CPE: variants seen among roughly 807,000 people sequenced by gnomAD.
The protein encoded by CPE is carbocypeptidase E.
CPE carries 17 observed loss-of-function variants against 53.5 expected under a neutral mutation model. The ratio of observed to expected loss-of-function variants is 0.32; its 90% CI spans 0.22 to 0.48. CPE has a LOEUF of 0.48. Among genes scored for constraint, CPE ranks in the 20% least tolerant of loss-of-function variants. The pLI is 0.99. For missense variants in CPE, 524 were observed against 614.7 expected (o/e 0.85, Z 1.56); for synonymous variants, 226 against 228.8 (o/e 0.99, Z 0.11).
chr4:165,498,395 A>T lies in CPE; in HGVS notation c.*785A>T, dbSNP rs1732744227. The T allele has an allele frequency of 1.3e-5, 2 of 152,272 alleles. No individual in the cohort carries two copies. The highest frequency in any genetic ancestry group is 4.8e-5 in the African/African-American group (2 of 41,550). The allele number at this position is 152,272 out of a possible 1,614,324, so 9.4% of individuals were successfully genotyped here. A position where few individuals can be genotyped will look rare whatever the true frequency, so the allele number is the denominator to read the frequency against. On this transcript the variant is annotated 3_prime_UTR_variant, in exon 9 of 9. Transcript: ENST00000402744. Reference sequence around the variant, plus strand: ...TATGATGAAAACATGTATCCTCTTAATGGCGGCTTCTCATATATTCATCCT... The same window carrying T: ...TATGATGAAAACATGTATCCTCTTATTGGCGGCTTCTCATATATTCATCCT...
intron 1 of CPE, among the ~76,000 whole-genome samples, chr4:165,401,655 T>C (rs1301207103): frequency 6.6e-6 from 1 of 152,226 alleles, no homozygotes; most frequent in East Asian, 1.9e-4. Flanking sequence ...CTCCTCTCAT[T>C]ATTTCTTGTC....
rs373551686 is a variant in CPE at position 165,379,725 on chromosome 4, A to G, written c.307+197A>G. On this transcript the variant is annotated intron_variant, in intron 1 of 8. Transcript: ENST00000402744. This position sits in a 1 kb window ranked among gnomAD's most constrained non-coding sequence, Gnocchi z 6.0. ...CCCGACTTAGAGCGCCAGTGGCCCA[A>G]TTTCTGCTTTCCCGTCCCATCCCCC... Among the ~76,000 whole-genome samples the G allele has an allele frequency of 1.4e-4, 22 of 152,168 alleles. No individual in the cohort carries two copies. The highest frequency in any genetic ancestry group is 3.4e-3 in the Middle Eastern group (1 of 294).
At chr4:165,424,996 G>T (rs1324858251) in intron 1 of CPE, among the ~76,000 whole-genome samples, 1 of 151,158 alleles carries the variant, frequency 6.6e-6, no homozygotes, top group Non-Finnish European at 1.5e-5. Flanking sequence ...CGCCTCAGGA[G>T]AGAGTAATCC....
chr4:165,398,682 C>T (rs1303041000), intron 1 of CPE, among the ~76,000 whole-genome samples: 1 of 152,140 alleles, frequency 6.6e-6, no homozygotes, highest in Non-Finnish European at 1.5e-5. Context: ...ACTTGAAAAT[C>T]CAATATTTTT....
chr4:165,408,340 A>G (rs1439619963), intron 1 of CPE, among the ~76,000 whole-genome samples: 1 of 152,146 alleles, frequency 6.6e-6, no homozygotes. Flanking sequence ...TTTTTATCGG[A>G]TAAGTAGAGG....
chr4:165,494,959 C>A (rs1732682220), intron 7 of CPE, among the ~76,000 whole-genome samples: 1 of 152,204 alleles, frequency 6.6e-6, no homozygotes, highest in Non-Finnish European at 1.5e-5. Flanking sequence ...TAGCATTGCC[C>A]TGGGGCTGGT....
At chr4:165,411,663 C>T (rs1320290845) in intron 1 of CPE, among the ~76,000 whole-genome samples, 1 of 152,142 alleles carries the variant, frequency 6.6e-6, no homozygotes, top group Non-Finnish European at 1.5e-5. Context: ...GGGGTTTTCT[C>T]ATGGAGACCT....
At chr4:165,391,303 T>A (rs777548005) in intron 1 of CPE, among the ~76,000 whole-genome samples, 2 of 152,142 alleles carry the variant, frequency 1.3e-5, no homozygotes. Context: ...CAAAAATTCA[T>A]TGGACAAAGC....
chr4:165,473,963 G>A (rs1249806959), intron 3 of CPE, among the ~76,000 whole-genome samples: 3 of 152,230 alleles, frequency 2.0e-5, no homozygotes, highest in Non-Finnish European at 4.4e-5. Flanking sequence ...GGCCCTCAGG[G>A]CATCCAATTT....
chr4:165,431,311 C>CTA (rs1467113370), intron 1 of CPE, among the ~76,000 whole-genome samples: 2 of 152,146 alleles, frequency 1.3e-5, no homozygotes, highest in Non-Finnish European at 2.9e-5. Flanking sequence ...CCCACTCCAG[C>CTA]TATAGGTTAG....
At chr4:165,466,269 T>C (rs1732102249) in intron 2 of CPE, among the ~76,000 whole-genome samples, 1 of 152,136 alleles carries the variant, frequency 6.6e-6, no homozygotes, top group South Asian at 2.1e-4. Flanking sequence ...TTTGTGTATC[T>C]AAACATAGAA....
chr4:165,424,564 C>T (rs931955944), intron 1 of CPE, among the ~76,000 whole-genome samples: 5 of 151,930 alleles, frequency 3.3e-5, no homozygotes, highest in Non-Finnish European at 5.9e-5. Flanking sequence ...GATGGAGTCT[C>T]GCTCTGTAGC....
At chr4:165,451,798 G>A (rs569231029) in intron 1 of CPE, among the ~76,000 whole-genome samples, 14 of 152,020 alleles carry the variant, frequency 9.2e-5, no homozygotes, top group South Asian at 2.1e-4. Flanking sequence ...CCCAGAAGAG[G>A]TTTTAAGAAG....
chr4:165,380,723 G>A (rs941738509), intron 1 of CPE, among the ~76,000 whole-genome samples: 1 of 152,106 alleles, frequency 6.6e-6, no homozygotes, highest in Admixed American at 6.5e-5. Flanking sequence ...CAAATATATA[G>A]TAGGTGGGTT....
At chr4:165,408,772 G>A (rs1730992048) in intron 1 of CPE, among the ~76,000 whole-genome samples, 1 of 152,204 alleles carries the variant, frequency 6.6e-6, no homozygotes, top group African/African-American at 2.4e-5. Flanking sequence ...CACACTTTGA[G>A]AGCCATTGTA....
intron 1 of CPE, among the ~76,000 whole-genome samples, chr4:165,457,924 T>C (rs1435364389): frequency 6.6e-6 from 1 of 152,240 alleles, no homozygotes; most frequent in Non-Finnish European, 1.5e-5. Context: ...CCTGGTGACT[T>C]GCATTTCCTT....
At chr4:165,401,178 C>T (rs1730861904) in intron 1 of CPE, among the ~76,000 whole-genome samples, 1 of 152,188 alleles carries the variant, frequency 6.6e-6, no homozygotes, top group African/African-American at 2.4e-5. Context: ...GCGGCCTTCT[C>T]TTCTGTACAC....
At chr4:165,477,710 C>T (rs1377273691) in intron 3 of CPE, among the ~76,000 whole-genome samples, 10 of 150,964 alleles carry the variant, frequency 6.6e-5, no homozygotes, top group African/African-American at 4.9e-5. Flanking sequence ...CAGATTCCTC[C>T]TCCTTTGTAT....
chr4:165,445,457 T>C (rs928418955), intron 1 of CPE, among the ~76,000 whole-genome samples: 1 of 152,194 alleles, frequency 6.6e-6, no homozygotes, highest in Admixed American at 6.5e-5. Flanking sequence ...CTGGTTTTGG[T>C]ATTTTCTTTG....
Sources: gnomAD v4.1 joint callset for allele counts (sites outside exome capture counted in the v4.1 genomes callset) on GRCh38, gnomAD v4.1.1 for gene constraint, Gnocchi (gnomAD v3.1) non-coding constraint, MANE v1.5 for transcripts, NCBI Gene and HGNC (gene_info 2026-07-23, HGNC 2026-07-21) for gene names.